Variants in C6 observed in about 807,000 individuals in gnomAD.
C6 encodes complement C6.
In C6, 101 loss-of-function variants were observed where a neutral mutation model predicts 112.9. The ratio of observed to expected loss-of-function variants is 0.89; its 90% CI spans 0.76 to 1.06. The LOEUF (loss-of-function observed/expected upper bound fraction) is 1.06, where lower values mean the gene tolerates loss of function less well. Ranked by LOEUF, C6 falls within the 50% of genes least tolerant of loss-of-function variation. C6 has a pLI of 0.00. For synonymous variants in C6, 431 were observed against 384.1 expected (o/e 1.12, Z -1.43); for missense variants, 1,202 against 1,104.6 (o/e 1.09, Z -1.25).
intron 1 of C6, among the ~76,000 whole-genome samples, chr5:41,223,104 C>T (rs555322446): frequency 1.3e-5 from 2 of 152,256 alleles, no homozygotes; most frequent in East Asian, 3.9e-4. Context: ...TGGAGCTGAA[C>T]TTACTTCAGA....
At chr5:41,154,465 C>T (rs1016612911) in intron 14 of C6, among the ~76,000 whole-genome samples, 1 of 152,202 alleles carries the variant, frequency 6.6e-6, no homozygotes, top group African/African-American at 2.4e-5. Context: ...TCACTTTACT[C>T]TAGCACAGAT....
chr5:41,244,344 C>T (rs1488959867), intron 1 of C6, among the ~76,000 whole-genome samples: 1 of 152,122 alleles, frequency 6.6e-6, no homozygotes, highest in Non-Finnish European at 1.5e-5. Context: ...ACATAAAATT[C>T]TGTTAATTCT....
At chr5:41,184,799 T>C (rs1395078127) in intron 6 of C6, among the ~76,000 whole-genome samples, 2 of 152,110 alleles carry the variant, frequency 1.3e-5, no homozygotes, top group Non-Finnish European at 2.9e-5. Flanking sequence ...GTTAGTAATG[T>C]GGATGTAAAC....
intron 8 of C6, among the ~76,000 whole-genome samples, chr5:41,174,857 G>A (rs1419855763): frequency 3.3e-5 from 5 of 152,128 alleles, no homozygotes; most frequent in Admixed American, 3.3e-4. Context: ...AAGGGAAGAG[G>A]CCAGAATACA....
chr5:41,161,349 A>G (rs761493852), intron 10 of C6, among the ~76,000 whole-genome samples: 1 of 152,152 alleles, frequency 6.6e-6, no homozygotes. Context: ...TCATCAAATA[A>G]GGAGTTGCAA....
intron 1 of C6, among the ~76,000 whole-genome samples, chr5:41,226,010 C>T (rs1047925480): frequency 6.6e-6 from 1 of 152,098 alleles, no homozygotes; most frequent in Admixed American, 6.6e-5. Flanking sequence ...TAGAAGAAAA[C>T]CTAGGTGATA....
rs1406371495 is a variant in C6, at chr5:41,201,678, A to G, written c.180T>C (p.Phe60=). 1 of 1,613,620 alleles carries G rather than the reference A, an allele frequency of 6.2e-7. No individual in the cohort carries two copies. Among genetic ancestry groups the G allele is most frequent in the Non-Finnish European group, 8.5e-7 (1 of 1,179,900 alleles). The part of the protein sequence containing the change: ...IVVDKYYQEN[F]CEQICSKQET... ...CCTGCTTGCTGCAAATCTGTTCACA[A>G]AAGTTTTCCTGGTAGTACTTATCTA... The change falls in exon 3 of 18, where the codon TTT becomes TTC. Residue 60 remains phenylalanine (F), a synonymous_variant. Transcript: ENST00000337836.
intron 5 of C6, among the ~76,000 whole-genome samples, chr5:41,187,438 T>C (rs772562510): frequency 1.6e-4 from 25 of 152,146 alleles, no homozygotes; most frequent in Non-Finnish European, 3.2e-4. Flanking sequence ...ACTCATTCAT[T>C]TGTGAGGGAA....
Position 41,201,610 on chromosome 5 carries a change from A to C in C6, c.248T>G (p.Leu83Arg), listed in dbSNP as rs373759648. The stretch of plus-strand genomic sequence containing the variant: ...TGACCATGGTCCAAAATCTCCCAGG[A>C]GGCAGTTGATGGGGCATCTTTGCCA... Reference protein sequence around the residue: ...CNWQRCPINCLLGDFGPWSDC... With the variant: ...CNWQRCPINCRLGDFGPWSDC... The change falls in exon 3 of 18, where the codon CTC becomes CGC. Residue 83 changes from leucine (L) to arginine (R), a missense_variant. Transcript: ENST00000337836. The C allele has an allele frequency of 7.4e-6, 12 of 1,613,620 alleles. No individual in the cohort carries two copies. Among genetic ancestry groups the C allele is most frequent in the African/African-American group, 2.7e-5 (2 of 74,854 alleles).
rs746657514 is a variant in C6, at chr5:41,201,653, C to T, written c.205G>A (p.Glu69Lys). The T allele has an allele frequency of 1.2e-6, 2 of 1,613,574 alleles. No individual in the cohort carries two copies. The highest frequency in any genetic ancestry group is 1.7e-6 in the Non-Finnish European group (2 of 1,179,822). ...CTTTGCCAGTTACATTCTCTAGTCT[C>T]CTGCTTGCTGCAAATCTGTTCACAA... ...NFCEQICSKQETRECNWQRCP... is the reference protein window; with the variant it reads ...NFCEQICSKQKTRECNWQRCP... The change falls in exon 3 of 18, where the codon GAG (glutamate) becomes AAG (lysine). Residue 69 changes from glutamate (E) to lysine (K), a missense_variant. Coordinates refer to ENST00000337836, the MANE Select transcript of C6 (RefSeq NM_000065.5).
At chr5:41,256,320 C>T (rs568638692) in intron 1 of C6, among the ~76,000 whole-genome samples, 4 of 151,406 alleles carry the variant, frequency 2.6e-5, no homozygotes, top group African/African-American at 9.7e-5. Flanking sequence ...GGAGATATAC[C>T]TAATGCTAGA....
At chr5:41,157,439 G>A (rs1270516737) in intron 13 of C6, among the ~76,000 whole-genome samples, 2 of 152,184 alleles carry the variant, frequency 1.3e-5, no homozygotes, top group Non-Finnish European at 2.9e-5. Context: ...TAAGTGGCCT[G>A]GATAGTCATC....
intron 5 of C6, among the ~76,000 whole-genome samples, chr5:41,189,736 T>G (rs1750053618): frequency 6.6e-6 from 1 of 152,126 alleles, no homozygotes; most frequent in South Asian, 2.1e-4. Flanking sequence ...GCTGTAATTT[T>G]GTAACCTTTA....
At chr5:41,242,601 T>G (rs1465833131) in intron 1 of C6, among the ~76,000 whole-genome samples, 1 of 152,226 alleles carries the variant, frequency 6.6e-6, no homozygotes, top group Non-Finnish European at 1.5e-5. Context: ...GGAGAATGTT[T>G]TCTTAATTAA....
intron 17 of C6, among the ~76,000 whole-genome samples, chr5:41,148,880 G>C (rs942131067): frequency 2.0e-5 from 3 of 152,186 alleles, no homozygotes; most frequent in Non-Finnish European, 2.9e-5. Context: ...GCCTCAGACA[G>C]TCCCAAACAC....
At chr5:41,215,961 T>C (rs550709088), upstream of C6, among the ~76,000 whole-genome samples, 1 of 152,248 alleles carries the variant, frequency 6.6e-6, no homozygotes, top group East Asian at 1.9e-4. Flanking sequence ...CCAAGGCTAA[T>C]GACCCCATCT....
chr5:41,254,104 A>G (rs1410023446), intron 1 of C6, among the ~76,000 whole-genome samples: 1 of 152,212 alleles, frequency 6.6e-6, no homozygotes, highest in Non-Finnish European at 1.5e-5. Context: ...TTACATAGAA[A>G]AGAAAGAATA....
chr5:41,171,134 C>G (rs1305821045), intron 9 of C6, among the ~76,000 whole-genome samples: 1 of 152,050 alleles, frequency 6.6e-6, no homozygotes, highest in Non-Finnish European at 1.5e-5. Flanking sequence ...AGTTTGCCTT[C>G]CATTGAAGGT....
At chr5:41,231,876 ACTTT>A (rs1659412624) in intron 1 of C6, among the ~76,000 whole-genome samples, 1 of 149,384 alleles carries the variant, frequency 6.7e-6, no homozygotes, top group South Asian at 2.2e-4. Context: ...TCTTTAATAT[ACTTT>A]CTTTAATACA....
Sources: gnomAD v4.1 joint callset for allele counts (sites outside exome capture counted in the v4.1 genomes callset) on GRCh38, gnomAD v4.1.1 for gene constraint, MANE v1.5 for transcripts, NCBI Gene and HGNC (gene_info 2026-07-23, HGNC 2026-07-21) for gene names.